Variants in CABIN1 observed in about 807,000 individuals in gnomAD.
CABIN1 encodes calcineurin binding protein 1.
Under a neutral mutation model 227.7 loss-of-function variants are expected in CABIN1, and 133 were observed. The observed-to-expected ratio is 0.58, with a 90% CI of 0.51 to 0.67. CABIN1 has a LOEUF of 0.67. CABIN1 is among the 30% of genes least tolerant of loss of function. The pLI, the probability that CABIN1 is intolerant of heterozygous loss-of-function variation, is 0.00. For synonymous variants in CABIN1, 1,086 were observed against 1,155.1 expected, an observed-to-expected ratio of 0.94 and a Z score of 1.21; for missense variants, 2,408 against 2,852.5, an observed-to-expected ratio of 0.84 and a Z score of 3.55.
intron 33 of CABIN1, among the ~76,000 whole-genome samples, chr22:24,169,472 G>C (rs550515622): frequency 6.6e-6 from 1 of 152,316 alleles, no homozygotes; most frequent in Admixed American, 6.5e-5. Context: ...AGCCCTCGAG[G>C]TTCAGCTTTG....
intron 15 of CABIN1, among the ~76,000 whole-genome samples, chr22:24,065,040 C>T (rs1259385874): frequency 6.6e-6 from 1 of 151,484 alleles, no homozygotes; most frequent in Non-Finnish European, 1.5e-5. Context: ...GGTACACCTC[C>T]CAGAGGGGGT....
chr22:24,083,129 A>G, intron 19 of CABIN1, 99 bp from the exon 20 acceptor site: 1 of 1,254,180 alleles, frequency 8.0e-7, no homozygotes, highest in South Asian at 1.2e-5. Flanking sequence ...CCTCAGGTTA[A>G]AAGAGTTGAT....
At position 24,054,901 on chromosome 22, in the gene CABIN1, G is replaced by GC; in HGVS notation, c.837dup (p.Met280HisfsTer9). The GC allele has an allele frequency of 6.2e-7, 1 of 1,614,168 alleles. No homozygotes were observed. The highest frequency in any genetic ancestry group is 8.5e-7 in the Non-Finnish European group (1 of 1,180,018). On this transcript the variant is annotated frameshift_variant, in exon 9 of 37. Transcript: ENST00000263119. LOFTEE classifies it high-confidence loss of function. ...GAAGTGCCTCGGAGAGAGCTTGCTG[G>GC]CCATGTACAATCATCTCACCACCTG...
chr22:24,074,301 A>G (rs1376479358), intron 18 of CABIN1, among the ~76,000 whole-genome samples: 2 of 152,200 alleles, frequency 1.3e-5, no homozygotes, highest in Non-Finnish European at 2.9e-5. Context: ...TTAAACTTTG[A>G]AAAGTACATC....
Position 24,091,539 on chromosome 22 carries a change from A to C in CABIN1, c.3526-44A>C, listed in dbSNP as rs2041540199. ...ACAGGAAAAAGTCTGATCCCTGGGC[A>C]GGTTCAGGCGTAAGGCCAGCCCAGT... is the stretch of plus-strand genomic sequence containing the variant. On this transcript the variant is annotated intron_variant, in intron 23 of 36. Coordinates refer to ENST00000263119, the MANE Select transcript of CABIN1 (RefSeq NM_012295.4). 3 of 1,613,254 alleles carry C rather than the reference A, an allele frequency of 1.9e-6. 1 individual carries two copies. In the African/African-American group the frequency reaches 4.0e-5, roughly 22 times the overall value.
At chr22:24,108,245 T>G (rs1400321101) in intron 26 of CABIN1, among the ~76,000 whole-genome samples, 2 of 152,166 alleles carry the variant, frequency 1.3e-5, no homozygotes, top group Admixed American at 1.3e-4. Flanking sequence ...GGAATGTGGG[T>G]CTGGGAGCCC....
intron 31 of CABIN1, 144 bp from the exon 32 acceptor site, chr22:24,166,495 C>A: frequency 9.8e-7 from 1 of 1,022,932 alleles, no homozygotes; most frequent in Non-Finnish European, 1.5e-6. Context: ...ATAACTGAAA[C>A]ACAGCCCTGG....
chr22:24,171,599 C>A, intron 33 of CABIN1, 114 bp from the exon 34 acceptor site: 1 of 1,265,568 alleles, frequency 7.9e-7, no homozygotes, highest in Non-Finnish European at 1.1e-6. Flanking sequence ...GCAGTGTTGG[C>A]AGCCCCAGGC....
chr22:24,049,646 G>C (rs892874050), intron 7 of CABIN1, among the ~76,000 whole-genome samples: 2 of 152,148 alleles, frequency 1.3e-5, no homozygotes, highest in African/African-American at 4.8e-5. Context: ...ATGCTCAGTT[G>C]CATTACCAAA....
In CABIN1 at chr22:24,113,662, A is replaced by G. The variant is rs2042926680; in HGVS notation, c.4214A>G (p.Lys1405Arg). Residue 1405 changes from lysine (K) to arginine (R), a missense_variant, in exon 27 of 37, where the codon AAA (lysine) becomes AGA (arginine). By Grantham distance (26) the Lys-to-Arg change is conservative. This residue lies in a region of CABIN1 where 649 missense variants were observed against 910.3 expected (regional missense o/e 0.71). Transcript: ENST00000263119. ...EPTSLLEGSRKSYTEKRLPIL... is the reference protein window; with the variant it reads ...EPTSLLEGSRRSYTEKRLPIL... Reference sequence around the variant, plus strand: ...ACCAGCTTACTGGAAGGCTCCAGGAAATCCTACACAGAGAAGAGGCTGCCC... The same window carrying G: ...ACCAGCTTACTGGAAGGCTCCAGGAGATCCTACACAGAGAAGAGGCTGCCC... The G allele has an allele frequency of 6.2e-7, 1 of 1,614,144 alleles. No individual in the cohort carries two copies.
At chr22:24,016,936 A>C (rs1300104207) in intron 1 of CABIN1, among the ~76,000 whole-genome samples, 1 of 148,834 alleles carries the variant, frequency 6.7e-6, no homozygotes, top group Non-Finnish European at 1.5e-5. Flanking sequence ...TTTGTGATTT[A>C]TCTGTTCGTA....
chr22:24,143,043 AG>A (rs1249168231), intron 29 of CABIN1, among the ~76,000 whole-genome samples: 1 of 152,176 alleles, frequency 6.6e-6, no homozygotes, highest in Non-Finnish European at 1.5e-5. Flanking sequence ...TCAGGTCCAC[AG>A]GCCAGCCTGC....
intron 19 of CABIN1, among the ~76,000 whole-genome samples, chr22:24,082,087 T>C (rs1479013704): frequency 2.1e-3 from 213 of 99,816 alleles, no homozygotes; most frequent in Admixed American, 6.5e-3. Context: ...TTCTCTCTCT[T>C]TTTTTTTTTT....
At chr22:24,083,008 C>T (rs1322970850) in intron 19 of CABIN1, among the ~76,000 whole-genome samples, 2 of 152,190 alleles carry the variant, frequency 1.3e-5, no homozygotes, top group African/African-American at 4.8e-5. Context: ...CAGGAGGCTA[C>T]TGTTGGGCCC....
intron 1 of CABIN1, among the ~76,000 whole-genome samples, chr22:24,029,544 G>A (rs2036342405): frequency 6.6e-6 from 1 of 151,746 alleles, no homozygotes; most frequent in Non-Finnish European, 1.5e-5. Flanking sequence ...GCAACAGAGT[G>A]AGACCCTGTC....
chr22:24,063,223 GGTGTGTGTGTGTAT>G (rs1377468644), intron 14 of CABIN1, 77 bp downstream of exon 14: 1 of 1,431,008 alleles, frequency 7.0e-7, no homozygotes, highest in Non-Finnish European at 9.8e-7. Flanking sequence ...CCATGTTGAG[GGTGTGTGTGTGTAT>G]GTGTGTGTGT....
intron 8 of CABIN1, 82 bp from the exon 9 acceptor site, chr22:24,054,791 G>C: frequency 6.3e-7 from 1 of 1,580,530 alleles, no homozygotes; most frequent in Non-Finnish European, 8.7e-7. Flanking sequence ...TGCCGCCTCT[G>C]TGCAGGCAGG....
chr22:24,051,518 A>G (rs1271407414), intron 8 of CABIN1, among the ~76,000 whole-genome samples: 1 of 152,066 alleles, frequency 6.6e-6, no homozygotes, highest in African/African-American at 2.4e-5. Flanking sequence ...GAGTTGGGAT[A>G]GTTTAGTCCC....
intron 27 of CABIN1, 44 bp downstream of exon 27, chr22:24,113,792 T>C: frequency 3.1e-6 from 5 of 1,605,232 alleles, no homozygotes; most frequent in Non-Finnish European, 4.3e-6. Flanking sequence ...TTTGATGTCC[T>C]GTGGCAATCT....
Sources: allele counts gnomAD v4.1 joint callset (sites outside exome capture counted in the v4.1 genomes callset), GRCh38; gene constraint gnomAD v4.1.1; regional missense constraint gnomAD v4.1.1; transcripts MANE v1.5; gene names NCBI Gene and HGNC (gene_info 2026-07-23, HGNC 2026-07-21).